The following SLC9A2 variants were observed in gnomAD, a reference collection of about 807,000 sequenced individuals.
SLC9A2 encodes sodium/hydrogen exchanger 2.
SLC9A2 carries 42 observed loss-of-function variants against 71.7 expected under a neutral mutation model. The ratio of observed to expected loss-of-function variants is 0.59; its 90% confidence interval spans 0.46 to 0.76. SLC9A2 has a LOEUF of 0.76. Among genes scored for constraint, SLC9A2 ranks in the 30% least tolerant of loss-of-function variants. The pLI is 0.00. For synonymous variants in SLC9A2, 396 were observed against 392.5 expected (o/e 1.01, Z -0.10); for missense variants, 829 against 1,017.4 (o/e 0.81, Z 2.52).
chr2:102,656,926 C>T (rs72828028), intron 1 of SLC9A2, among the ~76,000 whole-genome samples: 4,937 of 152,182 alleles, frequency 0.032, 92 homozygotes, highest in South Asian at 0.06. Context: ...AAAATTGCAC[C>T]GGGTGCAGTT....
chr2:102,687,878 C>T (rs1333220451), intron 5 of SLC9A2, among the ~76,000 whole-genome samples: 2 of 151,850 alleles, frequency 1.3e-5, no homozygotes, highest in Non-Finnish European at 2.9e-5. Flanking sequence ...TCCTAGGTTC[C>T]AGCGATTCTC....
At chr2:102,659,649 CACTT>C (rs1677015083) in intron 2 of SLC9A2, among the ~76,000 whole-genome samples, 1 of 152,136 alleles carries the variant, frequency 6.6e-6, no homozygotes, top group East Asian at 1.9e-4. Flanking sequence ...TAAGTTACCT[CACTT>C]AAGTAACAAA....
At chr2:102,651,860 CCTCAATATTCTTGATGT>C (rs1676840894) in intron 1 of SLC9A2, among the ~76,000 whole-genome samples, 1 of 152,126 alleles carries the variant, frequency 6.6e-6, no homozygotes, top group African/African-American at 2.4e-5. Context: ...ATATATAATG[CCTCAATATTCTTGATGT>C]ATAAAGGTTT....
rs986779525 is a variant in SLC9A2 at position 102,619,708 on chromosome 2, C to T, written c.-141C>T. The T allele has an allele frequency of 3.0e-6, 2 of 677,924 alleles. No homozygotes were observed. The highest frequency in any genetic ancestry group is 8.3e-5 in the Admixed American group (2 of 24,000). 42.0% of individuals were successfully genotyped at this position (677,924 alleles called of 1,614,324 possible). On this transcript the variant is annotated 5_prime_UTR_variant, in exon 1 of 12. Transcript: ENST00000233969. The surrounding 1 kb of genome is among the most constrained non-coding windows in gnomAD (Gnocchi z 4.3). ...ACCTAGCCCTCTGGTTGCAGAGACCCGGTGCCGCAGCAGCGGCGGGTGGCT... is the reference window on the plus strand; with the variant it reads ...ACCTAGCCCTCTGGTTGCAGAGACCTGGTGCCGCAGCAGCGGCGGGTGGCT...
chr2:102,631,645 A>ATGTTT (rs1468805735), intron 1 of SLC9A2, among the ~76,000 whole-genome samples: 1 of 152,028 alleles, frequency 6.6e-6, no homozygotes, highest in Non-Finnish European at 1.5e-5. Context: ...TTTACACAGC[A>ATGTTT]TGTTTTAAGG....
intron 2 of SLC9A2, among the ~76,000 whole-genome samples, chr2:102,663,116 G>A (rs924463735): frequency 6.6e-6 from 1 of 152,214 alleles, no homozygotes; most frequent in African/African-American, 2.4e-5. Context: ...GATGAAAACC[G>A]ATGCTGACAG....
rs1156588847 is a variant in SLC9A2, at chr2:102,708,355, T to C, written c.2305T>C (p.Ser769Pro). ...AGGCTTACTACAGCAGCCCCTTCTC[T>C]CTAAAGACCAGTCTGGCTCAGAGAG... ...TSGLLQQPLLSKDQSGSERED... is the reference protein window; with the variant it reads ...TSGLLQQPLLPKDQSGSERED... The change falls in exon 12 of 12, where the codon TCT becomes CCT. Residue 769 changes from serine to proline, a missense_variant. Physicochemically the swap from Ser to Pro is moderately conservative, Grantham distance 74. Around this residue, in one of 3 missense-constraint regions of SLC9A2, gnomAD observed 223 missense variants for 197.5 expected, o/e 1.13. Coordinates refer to ENST00000233969, the MANE Select transcript of SLC9A2 (RefSeq NM_003048.6). 1 of 1,614,032 alleles carries C rather than the reference T, an allele frequency of 6.2e-7. No individual in the cohort carries two copies. The highest frequency in any genetic ancestry group is 2.2e-5 in the East Asian group (1 of 44,888).
Position 102,633,806 on chromosome 2 carries a change from G to A in SLC9A2, c.289+13669G>A, listed in dbSNP as rs144992215. The stretch of plus-strand genomic sequence containing the variant: ...CACGTTAAGTATTCATAGGTTAAGA[G>A]AAGGTTCAACCCATATAACTTAAGC... On this transcript the variant is annotated intron_variant, in intron 1 of 11. Transcript: ENST00000233969. Among the ~76,000 whole-genome samples, 10 of 152,304 alleles carry A rather than the reference G, an allele frequency of 6.6e-5. No individual in the cohort carries two copies. In the East Asian group the frequency reaches 1.9e-3, roughly 29 times the overall value.
rs190158902 is a variant in SLC9A2 at position 102,640,667 on chromosome 2, C to T, written c.290-16897C>T. Among the ~76,000 whole-genome samples the T allele has an allele frequency of 2.8e-3, 419 of 152,314 alleles. 5 individuals carry two copies. Among genetic ancestry groups the T allele is most frequent in the African/African-American group, 8.9e-3 (371 of 41,570 alleles). On this transcript the variant is annotated intron_variant, in intron 1 of 11. Coordinates refer to ENST00000233969, the MANE Select transcript of SLC9A2 (RefSeq NM_003048.6). ...CCCAGCTCCACCACGTACCCACCAACAAAGAAGCTCCCAACCTCATCATTT... is the reference window on the plus strand; with the variant it reads ...CCCAGCTCCACCACGTACCCACCAATAAAGAAGCTCCCAACCTCATCATTT...
chr2:102,673,041 T>C (rs1215725739), intron 3 of SLC9A2, among the ~76,000 whole-genome samples: 1 of 152,030 alleles, frequency 6.6e-6, no homozygotes, highest in Non-Finnish European at 1.5e-5. Context: ...AAAAATCAAA[T>C]ACACAAAACT....
At chr2:102,671,183 G>T (rs1677245151) in intron 3 of SLC9A2, among the ~76,000 whole-genome samples, 1 of 152,094 alleles carries the variant, frequency 6.6e-6, no homozygotes, top group Non-Finnish European at 1.5e-5. Flanking sequence ...CAAGACTAGA[G>T]TCTTAGATCT....
At position 102,708,354 on chromosome 2, in the gene SLC9A2, C is replaced by G. The variant is rs1386803104; in HGVS notation, c.2304C>G (p.Leu768=). ...QTSGLLQQPL[L]SKDQSGSERE... Reference sequence around the variant, plus strand: ...CAGGCTTACTACAGCAGCCCCTTCTCTCTAAAGACCAGTCTGGCTCAGAGA... The same window carrying G: ...CAGGCTTACTACAGCAGCCCCTTCTGTCTAAAGACCAGTCTGGCTCAGAGA... Residue 768 remains leucine (L), a synonymous_variant, in exon 12 of 12, where the codon CTC becomes CTG. Transcript: ENST00000233969. The G allele has an allele frequency of 3.1e-6, 5 of 1,614,252 alleles. No individual in the cohort carries two copies. The highest frequency in any genetic ancestry group is 4.2e-6 in the Non-Finnish European group (5 of 1,180,050).
chr2:102,642,466 G>T (rs1676603222), intron 1 of SLC9A2, among the ~76,000 whole-genome samples: 1 of 152,028 alleles, frequency 6.6e-6, no homozygotes, highest in African/African-American at 2.4e-5. Context: ...CGATACGATG[G>T]ATTACACTGG....
chr2:102,708,430 G>A lies in SLC9A2; in HGVS notation c.2380G>A (p.Val794Ile). 6.2e-7 allele frequency: 1 copy of A among 1,614,218 alleles called. No homozygotes were observed. Among genetic ancestry groups the A allele is most frequent in the South Asian group, 1.1e-5 (1 of 91,090 alleles). Reference sequence around the variant, plus strand: ...CCCGCCCAAGCCGCCACCACGGCTGGTCTGGAGGGCATCGGAACCTGGAAG... The same window carrying A: ...CCCGCCCAAGCCGCCACCACGGCTGATCTGGAGGGCATCGGAACCTGGAAG... Reference protein sequence around the residue: ...GIPPKPPPRLVWRASEPGSRK... With the variant: ...GIPPKPPPRLIWRASEPGSRK... Residue 794 changes from valine to isoleucine, a missense_variant, in exon 12 of 12, where the codon GTC becomes ATC. Physicochemically the swap from Val to Ile is conservative, Grantham distance 29 (BLOSUM62 3). Around this residue, in one of 3 missense-constraint regions of SLC9A2, gnomAD observed 223 missense variants for 197.5 expected, o/e 1.13. Coordinates refer to ENST00000233969, the MANE Select transcript of SLC9A2 (RefSeq NM_003048.6).
At chr2:102,684,991 C>G (rs1180691245) in intron 5 of SLC9A2, among the ~76,000 whole-genome samples, 1 of 152,026 alleles carries the variant, frequency 6.6e-6, no homozygotes, top group Non-Finnish European at 1.5e-5. Context: ...ACAAGAAACA[C>G]AAGTAAATCA....
At chr2:102,653,734 G>GA (rs936261460) in intron 1 of SLC9A2, among the ~76,000 whole-genome samples, 1 of 152,210 alleles carries the variant, frequency 6.6e-6, no homozygotes, top group African/African-American at 2.4e-5. Flanking sequence ...TGAAAGGAAA[G>GA]AAAAAGGTGA....
At chr2:102,703,082 A>C (rs1474957343) in intron 9 of SLC9A2, among the ~76,000 whole-genome samples, 1 of 152,134 alleles carries the variant, frequency 6.6e-6, no homozygotes, top group Non-Finnish European at 1.5e-5. Flanking sequence ...AGGGAGGTGA[A>C]GTGGCACACG....
chr2:102,687,127 G>A (rs181869954), intron 5 of SLC9A2, among the ~76,000 whole-genome samples: 2 of 152,222 alleles, frequency 1.3e-5, no homozygotes, highest in East Asian at 3.9e-4. Context: ...AAATTGCTGC[G>A]GTTCCACTTG....
chr2:102,699,157 G>A (rs571362572), intron 7 of SLC9A2, among the ~76,000 whole-genome samples: 1 of 152,298 alleles, frequency 6.6e-6, no homozygotes, highest in African/African-American at 2.4e-5. Flanking sequence ...CTAACAGGAT[G>A]GATAGGAAGG....
Sources: gnomAD v4.1 joint callset for allele counts (sites outside exome capture counted in the v4.1 genomes callset) on GRCh38, gnomAD v4.1.1 for gene constraint, gnomAD v4.1.1 regional missense constraint, Gnocchi (gnomAD v3.1) non-coding constraint, MANE v1.5 for transcripts, NCBI Gene and HGNC (gene_info 2026-07-23, HGNC 2026-07-21) for gene names.